SPATA16: variants seen among roughly 807,000 people sequenced by gnomAD.
SPATA16 encodes spermatogenesis associated 16.
SPATA16 carries 36 observed loss-of-function variants against 63.3 expected under a neutral mutation model. The observed-to-expected ratio is 0.57, with a 90% CI of 0.44 to 0.75. SPATA16 has a LOEUF of 0.75. SPATA16 is among the 30% of genes least tolerant of loss of function. The pLI is 0.00. For missense variants in SPATA16, 646 were observed against 679.3 expected (o/e 0.95, Z 0.54); for synonymous variants, 203 against 216.7 (o/e 0.94, Z 0.56).
chr3:172,907,137 C>G (rs138145000), intron 10 of SPATA16, among the ~76,000 whole-genome samples: 1 of 152,262 alleles, frequency 6.6e-6, no homozygotes, highest in African/African-American at 2.4e-5. Context: ...AATCATCCAG[C>G]GCAATATCCT....
intron 1 of SPATA16, among the ~76,000 whole-genome samples, chr3:173,139,223 AT>A (rs1011462722): frequency 2.0e-5 from 3 of 152,186 alleles, no homozygotes; most frequent in African/African-American, 7.2e-5. Context: ...TTGTTCAGCA[AT>A]TTTTTTAAAA....
intron 10 of SPATA16, among the ~76,000 whole-genome samples, chr3:172,890,823 T>C (rs1406476580): frequency 6.6e-6 from 1 of 151,644 alleles, no homozygotes; most frequent in Non-Finnish European, 1.5e-5. Flanking sequence ...GTAAAAACTA[T>C]TTCAGGTACA....
chr3:172,911,913 C>G (rs77762876), intron 10 of SPATA16, among the ~76,000 whole-genome samples: 2,284 of 152,284 alleles, frequency 0.015, 46 homozygotes, highest in African/African-American at 0.052. Context: ...CTGACTTCCC[C>G]ACATTTCTGT....
intron 1 of SPATA16, among the ~76,000 whole-genome samples, chr3:173,138,100 TG>T (rs902124102): frequency 2.6e-5 from 4 of 151,972 alleles, no homozygotes; most frequent in Admixed American, 2.6e-4. Context: ...TTTTTCTTGG[TG>T]GGGGGGTGAT....
chr3:172,966,359 A>ATATGATATTTTCC (rs1263548695), intron 5 of SPATA16, among the ~76,000 whole-genome samples: 1 of 152,188 alleles, frequency 6.6e-6, no homozygotes, highest in Admixed American at 6.5e-5. Flanking sequence ...TGCCAGCTAA[A>ATATGATATTTTCC]TATGATATTT....
chr3:173,089,179 A>G (rs1737159581), intron 2 of SPATA16, among the ~76,000 whole-genome samples: 2 of 152,208 alleles, frequency 1.3e-5, no homozygotes, highest in Non-Finnish European at 2.9e-5. Context: ...ATGGCTCAGA[A>G]TACATCCATA....
chr3:172,984,699 T>A (rs752073485), intron 4 of SPATA16, among the ~76,000 whole-genome samples: 7 of 152,204 alleles, frequency 4.6e-5, no homozygotes, highest in Non-Finnish European at 7.3e-5. Context: ...TTATTGGAGT[T>A]CTAGCCATGC....
intron 2 of SPATA16, among the ~76,000 whole-genome samples, chr3:173,106,865 A>G (rs1021817620): frequency 6.6e-6 from 1 of 151,986 alleles, no homozygotes; most frequent in Admixed American, 6.6e-5. Flanking sequence ...TATCTTTTCC[A>G]TTGGTACTTC....
intron 3 of SPATA16, among the ~76,000 whole-genome samples, chr3:173,039,424 C>G (rs35654828): frequency 6.6e-6 from 1 of 152,056 alleles, no homozygotes; most frequent in Non-Finnish European, 1.5e-5. Context: ...AATCTGTTTT[C>G]TAAAGACCAC....
At chr3:172,957,829 A>T (rs1258536592) in intron 5 of SPATA16, among the ~76,000 whole-genome samples, 1 of 152,212 alleles carries the variant, frequency 6.6e-6, no homozygotes, top group Non-Finnish European at 1.5e-5. Flanking sequence ...GATAATAAAA[A>T]CAACAGGGAG....
At chr3:173,013,405 G>C (rs1735114242) in intron 4 of SPATA16, among the ~76,000 whole-genome samples, 1 of 152,196 alleles carries the variant, frequency 6.6e-6, no homozygotes, top group Admixed American at 6.5e-5. Flanking sequence ...GAGAGACCTT[G>C]GGATGTATAC....
chr3:173,103,345 G>T (rs1180931879), intron 2 of SPATA16, among the ~76,000 whole-genome samples: 2 of 152,220 alleles, frequency 1.3e-5, no homozygotes, highest in Non-Finnish European at 2.9e-5. Context: ...CCTCTGCACT[G>T]CCCTAGCAGA....
chr3:172,975,203 G>A (rs989113577), intron 5 of SPATA16, among the ~76,000 whole-genome samples: 16 of 152,226 alleles, frequency 1.1e-4, no homozygotes, highest in East Asian at 5.8e-4. Context: ...ACATGTGAGC[G>A]TAAAAACAGA....
intron 5 of SPATA16, among the ~76,000 whole-genome samples, chr3:172,968,008 G>A (rs1416994260): frequency 6.6e-6 from 1 of 152,158 alleles, no homozygotes; most frequent in African/African-American, 2.4e-5. Flanking sequence ...TGGAAAAACT[G>A]TCTTTCACAA....
chr3:172,923,869 T>C lies in SPATA16; in HGVS notation c.1338+339A>G, dbSNP rs191265163. On this transcript the variant is annotated intron_variant, in intron 8 of 10. Coordinates refer to ENST00000351008, the MANE Select transcript of SPATA16 (RefSeq NM_031955.6). ...ATATGCAATAGCTCAATAAGTGAAA[T>C]AGAGAAAACATTGTGCTTGCTAAAA... Among the ~76,000 whole-genome samples the C allele has an allele frequency of 5.4e-4, 82 of 152,290 alleles. 1 individual carries two copies. The highest frequency in any genetic ancestry group is 2.1e-4 in the South Asian group (1 of 4,824).
At chr3:173,064,688 A>C (rs1736473131) in intron 2 of SPATA16, among the ~76,000 whole-genome samples, 1 of 152,128 alleles carries the variant, frequency 6.6e-6, no homozygotes, top group South Asian at 2.1e-4. Context: ...TTCTCATGGA[A>C]AATGCAGGAA....
intron 1 of SPATA16, among the ~76,000 whole-genome samples, chr3:173,137,904 C>G (rs1738595153): frequency 6.7e-6 from 1 of 148,350 alleles, no homozygotes; most frequent in African/African-American, 2.5e-5. Context: ...AAGAAGAGAC[C>G]AGATGTATTA....
intron 2 of SPATA16, among the ~76,000 whole-genome samples, chr3:173,070,168 GT>G (rs2108306551): frequency 6.6e-6 from 1 of 152,184 alleles, no homozygotes; most frequent in South Asian, 2.1e-4. Context: ...GCCAAGGTGG[GT>G]GGATCACTTG....
At chr3:172,935,881 T>G (rs6445090) in intron 6 of SPATA16, among the ~76,000 whole-genome samples, 2,922 of 152,296 alleles carry the variant, frequency 0.019, 30 homozygotes, top group Middle Eastern at 0.058. Context: ...TAAACTGCTC[T>G]GATTGGTAAC....
Sources: allele counts gnomAD v4.1 joint callset (sites outside exome capture counted in the v4.1 genomes callset), GRCh38; gene constraint gnomAD v4.1.1; transcripts MANE v1.5; gene names NCBI Gene and HGNC (gene_info 2026-07-23, HGNC 2026-07-21).